KIF26B: variants seen among roughly 807,000 people sequenced by gnomAD.
KIF26B encodes kinesin-like protein KIF26B.
KIF26B carries 63 observed loss-of-function variants against 151.2 expected under a neutral mutation model. That is an observed-to-expected ratio of 0.42 (90% CI 0.34 to 0.51). The LOEUF (loss-of-function observed/expected upper bound fraction) is 0.51, where lower values mean the gene tolerates loss of function less well. KIF26B is among the 20% of genes least tolerant of loss of function. The pLI, the probability that KIF26B is intolerant of heterozygous loss-of-function variation, is 0.07. For missense variants in KIF26B, 2,813 were observed against 2,913.6 expected (o/e 0.97, Z 0.79); for synonymous variants, 1,357 against 1,262.1 (o/e 1.08, Z -1.59).
chr1:245,576,252 C>T (rs2043117841), intron 5 of KIF26B, among the ~76,000 whole-genome samples: 1 of 152,186 alleles, frequency 6.6e-6, no homozygotes, highest in Non-Finnish European at 1.5e-5. Context: ...GTTACCGGGA[C>T]GCAGCGTTCC....
chr1:245,580,267 C>T (rs1401672859), intron 5 of KIF26B, among the ~76,000 whole-genome samples: 9 of 152,212 alleles, frequency 5.9e-5, no homozygotes. Context: ...AGTGGGACAT[C>T]AGAATGAGAC....
intron 9 of KIF26B, among the ~76,000 whole-genome samples, chr1:245,637,452 A>G (rs150355107): frequency 6.6e-6 from 1 of 151,932 alleles, no homozygotes; most frequent in Non-Finnish European, 1.5e-5. Context: ...ATTTTCTCCC[A>G]TTCCATATGT....
rs552547578 is a variant in KIF26B at position 245,663,554 on chromosome 1, G to A, written c.2258+17274G>A. ...GTTTCTTTGTTTATTTGTGTCTGGG[G>A]GCTACTCATTTTCACTGGCATTTTA... On this transcript the variant is annotated intron_variant, in intron 10 of 14. Transcript: ENST00000407071. 5.3e-5 allele frequency among the ~76,000 whole-genome samples: 8 copies of A among 151,716 alleles called. No individual in the cohort carries two copies. In the East Asian group the frequency reaches 1.6e-3, roughly 29 times the overall value.
chr1:245,289,007 G>A (rs988932433), intron 2 of KIF26B, among the ~76,000 whole-genome samples: 8 of 152,058 alleles, frequency 5.3e-5, no homozygotes, highest in African/African-American at 1.9e-4. Flanking sequence ...GTATTTGAAT[G>A]CTTCTGAAGT....
chr1:245,679,585 C>G (rs1221687527), intron 10 of KIF26B, among the ~76,000 whole-genome samples: 2 of 150,604 alleles, frequency 1.3e-5, no homozygotes, highest in Non-Finnish European at 3.0e-5. Flanking sequence ...TCTCCTGCCT[C>G]GGCCTCCTGA....
intron 4 of KIF26B, among the ~76,000 whole-genome samples, chr1:245,472,113 G>C (rs554006552): frequency 6.6e-6 from 1 of 152,190 alleles, no homozygotes; most frequent in East Asian, 1.9e-4. Context: ...TCTGATAGAG[G>C]GATATAGACA....
intron 2 of KIF26B, among the ~76,000 whole-genome samples, chr1:245,315,107 G>A (rs1212263336): frequency 1.3e-5 from 2 of 152,168 alleles, no homozygotes; most frequent in Admixed American, 1.3e-4. Flanking sequence ...TTGAACCCAG[G>A]AGGTGGAGGT....
intron 2 of KIF26B, among the ~76,000 whole-genome samples, chr1:245,203,813 C>T (rs1290956916): frequency 6.6e-6 from 1 of 152,164 alleles, no homozygotes; most frequent in African/African-American, 2.4e-5. Context: ...GACATTTATT[C>T]CTGTGAATCT....
chr1:245,200,540 T>C (rs1669279219), intron 2 of KIF26B, among the ~76,000 whole-genome samples: 1 of 152,192 alleles, frequency 6.6e-6, no homozygotes, highest in South Asian at 2.1e-4. Flanking sequence ...CTCATAAATT[T>C]CTCCAGCCTC....
Position 245,375,592 on chromosome 1 carries a change from A to T in KIF26B, c.999+8225A>T, listed in dbSNP as rs1673255130. On this transcript the variant is annotated intron_variant, in intron 3 of 14. Transcript: ENST00000407071. The surrounding 1 kb of genome is among the most constrained non-coding windows in gnomAD (Gnocchi z 4.2). ...TGTGATTCTCCCCTAGAGCCTCCAG[A>T]AGAAGCCAGCCCTGCAGGGCCATTT... is the stretch of plus-strand genomic sequence containing the variant. 6.6e-6 allele frequency among the ~76,000 whole-genome samples: 1 copy of T among 152,154 alleles called. No homozygotes were observed. Among genetic ancestry groups the T allele is most frequent in the South Asian group, 2.1e-4 (1 of 4,824 alleles).
chr1:245,477,061 G>A lies in KIF26B; in HGVS notation c.1166+57316G>A, dbSNP rs57283007. Among the ~76,000 whole-genome samples, 649 of 151,874 alleles carry A rather than the reference G, an allele frequency of 4.3e-3. 10 individuals carry two copies. The highest frequency in any genetic ancestry group is 0.015 in the African/African-American group (613 of 41,494). On this transcript the variant is annotated intron_variant, in intron 4 of 14. Transcript: ENST00000407071. ...GATATTTCTAAGAGTGAGCCAGTAC[G>A]TTTCTGGCAAAATAAAGACTTTAGC...
At chr1:245,503,719 G>C (rs992162283) in intron 4 of KIF26B, among the ~76,000 whole-genome samples, 1 of 152,208 alleles carries the variant, frequency 6.6e-6, no homozygotes, top group Non-Finnish European at 1.5e-5. Flanking sequence ...AGCACCGGCT[G>C]GACCAATGGA....
chr1:245,469,884 A>G (rs1659873499), intron 4 of KIF26B, among the ~76,000 whole-genome samples: 1 of 152,176 alleles, frequency 6.6e-6, no homozygotes, highest in Admixed American at 6.5e-5. Context: ...CTCTGATTGC[A>G]CAATTAAACA....
Position 245,318,639 on chromosome 1 carries a change from A to G in KIF26B, c.466-48195A>G, listed in dbSNP as rs924566680. Among the ~76,000 whole-genome samples, 2 of 152,262 alleles carry G rather than the reference A, an allele frequency of 1.3e-5. No homozygotes were observed. The highest frequency in any genetic ancestry group is 2.1e-4 in the South Asian group (1 of 4,818). On this transcript the variant is annotated intron_variant, in intron 2 of 14. Transcript: ENST00000407071. This position sits in a 1 kb window ranked among gnomAD's most constrained non-coding sequence, Gnocchi z 4.0. ...TAAGTTCATAGGGAAAGCAGCAAGG[A>G]TGAGTTCGGGAGACTCTGGCATATG...
rs2043453758 is a variant in KIF26B at position 245,606,313 on chromosome 1, G to T, written c.1558-1338G>T. ...TCCAAATACTTGGGTTCACTGTGCT[G>T]CTGAATAACAACATTCACGGCCCAG... On this transcript the variant is annotated intron_variant, in intron 6 of 14. Transcript: ENST00000407071. The surrounding 1 kb of genome is among the most constrained non-coding windows in gnomAD (Gnocchi z 4.6). 6.6e-6 allele frequency among the ~76,000 whole-genome samples: 1 copy of T among 152,210 alleles called. No homozygotes were observed. Among genetic ancestry groups the T allele is most frequent in the African/African-American group, 2.4e-5 (1 of 41,460 alleles).
In KIF26B at chr1:245,705,960, T is replaced by TGG. The variant is rs1177695043; in HGVS notation, c.*3358_*3359dup. The TGG allele has an allele frequency of 1.3e-5, 2 of 152,178 alleles. No individual in the cohort carries two copies. Among genetic ancestry groups the TGG allele is most frequent in the African/African-American group, 4.8e-5 (2 of 41,448 alleles). 9.4% of individuals were successfully genotyped at this position (152,178 alleles called of 1,614,324 possible). ...TATTCGCCAGTTGCCATTCTTAACA[T>TGG]GGGGGAGCATTAAGATGCAAATGCA... On this transcript the variant is annotated 3_prime_UTR_variant, in exon 15 of 15. Coordinates refer to ENST00000407071, the MANE Select transcript of KIF26B (RefSeq NM_018012.4).
At chr1:245,618,069 G>A (rs191420184) in intron 9 of KIF26B, among the ~76,000 whole-genome samples, 9 of 152,256 alleles carry the variant, frequency 5.9e-5, no homozygotes, top group Admixed American at 4.6e-4. Context: ...AGGAAGAGAA[G>A]GAGGCAGGGA....
chr1:245,277,133 C>G (rs1670954311), intron 2 of KIF26B, among the ~76,000 whole-genome samples: 1 of 152,112 alleles, frequency 6.6e-6, no homozygotes, highest in Non-Finnish European at 1.5e-5. Context: ...CTTAGGCTCT[C>G]CAGAAGGAAC....
rs191005791 is a variant in KIF26B, at chr1:245,537,709, T to C, written c.1167-3058T>C. Reference sequence around the variant, plus strand: ...AGTCATTGGAAGGATGGAATTGCCATTTTCTGATACAGGAAATGCTGAATG... The same window carrying C: ...AGTCATTGGAAGGATGGAATTGCCACTTTCTGATACAGGAAATGCTGAATG... On this transcript the variant is annotated intron_variant, in intron 4 of 14. Coordinates refer to ENST00000407071, the MANE Select transcript of KIF26B (RefSeq NM_018012.4). Among the ~76,000 whole-genome samples the C allele has an allele frequency of 2.0e-4, 30 of 152,276 alleles. No homozygotes were observed. In the East Asian group the frequency reaches 5.6e-3, roughly 28 times the overall value.
Sources: gnomAD v4.1 joint callset for allele counts (sites outside exome capture counted in the v4.1 genomes callset) on GRCh38, gnomAD v4.1.1 for gene constraint, Gnocchi (gnomAD v3.1) non-coding constraint, MANE v1.5 for transcripts, NCBI Gene and HGNC (gene_info 2026-07-23, HGNC 2026-07-21) for gene names.